THUMPD2: variants seen among roughly 807,000 people sequenced by gnomAD.
The protein encoded by THUMPD2 is THUMP domain 2 tRNA and snRNA guanosine methyltransferase, also known as U6 snRNA (guanine-N(2))-methyltransferase THUMPD2.
Under a neutral mutation model 49.4 loss-of-function variants are expected in THUMPD2, and 56 were observed. That is an observed-to-expected ratio of 1.13 (90% CI 0.91 to 1.41). The LOEUF (loss-of-function observed/expected upper bound fraction) is 1.41, where lower values mean the gene tolerates loss of function less well. THUMPD2 is among the 40% of genes most tolerant of loss of function. The pLI, the probability that THUMPD2 is intolerant of heterozygous loss-of-function variation, is 0.00. For missense variants in THUMPD2, 709 were observed against 594.5 expected, an observed-to-expected ratio of 1.19 and a Z score of -2.00; for synonymous variants, 237 against 205.2, an observed-to-expected ratio of 1.15 and a Z score of -1.32.
chr2:39,741,333 T>C (rs1258281532), intron 9 of THUMPD2, among the ~76,000 whole-genome samples: 3 of 152,228 alleles, frequency 2.0e-5, no homozygotes, highest in Admixed American at 2.0e-4. Flanking sequence ...CATTGTTCCA[T>C]GAACACACCT....
chr2:39,759,198 T>C (rs1003023363), intron 6 of THUMPD2, among the ~76,000 whole-genome samples: 12 of 151,958 alleles, frequency 7.9e-5, no homozygotes. Flanking sequence ...AAAGTTAAAT[T>C]CACTAAATAG....
At chr2:39,756,951 GAA>G (rs35726811) in intron 6 of THUMPD2, among the ~76,000 whole-genome samples, 1 of 142,660 alleles carries the variant, frequency 7.0e-6, no homozygotes, top group Admixed American at 6.9e-5. Context: ...TGGTATTGGA[GAA>G]AAAAAAAAAG....
At chr2:39,762,241 C>T (rs571746778) in intron 5 of THUMPD2, among the ~76,000 whole-genome samples, 3 of 152,216 alleles carry the variant, frequency 2.0e-5, no homozygotes, top group African/African-American at 7.2e-5. Flanking sequence ...TTGGCTTCTT[C>T]CAAAACCAGC....
Position 39,770,001 on chromosome 2 carries a change from C to G in THUMPD2, c.381G>C (p.Gln127His), listed in dbSNP as rs745459310. Residue 127 changes from glutamine (Q) to histidine (H), a missense_variant, in exon 3 of 10, where the codon CAG (glutamine) becomes CAC (histidine). Coordinates refer to ENST00000505747, the MANE Select transcript of THUMPD2 (RefSeq NM_025264.5). ...ELDAKKEKLS[Q>H]RDDNQLKRKV... ...TTCTTTTTAGTTGGTTATCATCTCT[C>G]TGAGAAAGTTTTTCCTTTTTTGCAT... is the stretch of plus-strand genomic sequence containing the variant. 1 of 1,574,720 alleles carries G rather than the reference C, an allele frequency of 6.4e-7. No individual in the cohort carries two copies.
Position 39,779,132 on chromosome 2 carries a change from C to T in THUMPD2, c.108G>A (p.Ala36=). The T allele has an allele frequency of 6.6e-7, 1 of 1,516,656 alleles. No homozygotes were observed. Among genetic ancestry groups the T allele is most frequent in the Non-Finnish European group, 8.8e-7 (1 of 1,138,502 alleles). 93.9% of individuals were successfully genotyped at this position (1,516,656 alleles called of 1,614,324 possible). A position where few individuals can be genotyped will look rare whatever the true frequency, so the allele number is the denominator to read the frequency against. The change falls in exon 1 of 10, where the codon GCG becomes GCA. Residue 36 remains alanine (A), a synonymous_variant. Transcript: ENST00000505747. ...LEPFVMREVR[A]RLAATQVEYI... is the part of the protein sequence containing the mutation. Reference sequence around the variant, plus strand: ...AACTCACCTGCGTGGCCGCCAGCCGCGCCCGCACCTCTCGCATTACGAACG... The same window carrying T: ...AACTCACCTGCGTGGCCGCCAGCCGTGCCCGCACCTCTCGCATTACGAACG...
At position 39,771,485 on chromosome 2, in the gene THUMPD2, T is replaced by C. The variant is rs750205544; in HGVS notation, c.262+20A>G. ...ATGTATCATGTGGGTAAAAGCAACATGCATATGAATATGCCATACCTTTAC... is the reference window on the plus strand; with the variant it reads ...ATGTATCATGTGGGTAAAAGCAACACGCATATGAATATGCCATACCTTTAC... On this transcript the variant is annotated intron_variant, in intron 2 of 9. Coordinates refer to ENST00000505747, the MANE Select transcript of THUMPD2 (RefSeq NM_025264.5). 5 of 1,576,102 alleles carry C rather than the reference T, an allele frequency of 3.2e-6. No individual in the cohort carries two copies. The East Asian group carries it at 6.8e-5, about 21-fold the overall frequency.
chr2:39,769,090 G>A (rs6745129), intron 3 of THUMPD2: 60,342 of 1,303,880 alleles, frequency 0.046, 3,081 homozygotes, highest in African/African-American at 0.26. Flanking sequence ...CCCATGTACA[G>A]GACCTGTGCA....
intron 1 of THUMPD2, 47 bp downstream of exon 1, chr2:39,779,067 G>A (rs1297488009): frequency 9.6e-6 from 14 of 1,461,174 alleles, no homozygotes; most frequent in Non-Finnish European, 1.3e-5. Context: ...CAACAGGGCA[G>A]GGACAGGGCC....
chr2:39,764,203 G>T (rs996128070), intron 5 of THUMPD2, among the ~76,000 whole-genome samples: 10 of 152,186 alleles, frequency 6.6e-5, no homozygotes, highest in Non-Finnish European at 1.5e-4. Flanking sequence ...ACACTGGATT[G>T]AACTGTTTCA....
chr2:39,764,345 G>T (rs1677227627), intron 5 of THUMPD2, among the ~76,000 whole-genome samples: 1 of 152,188 alleles, frequency 6.6e-6, no homozygotes, highest in Admixed American at 6.5e-5. Flanking sequence ...TTATAGCAGA[G>T]AAATATGATA....
At chr2:39,750,827 T>C (rs1675305915) in intron 8 of THUMPD2, among the ~76,000 whole-genome samples, 1 of 152,248 alleles carries the variant, frequency 6.6e-6, no homozygotes, top group African/African-American at 2.4e-5. Context: ...AGTAGGATTG[T>C]AAATATCAAC....
At chr2:39,742,469 G>C (rs1441548793) in intron 9 of THUMPD2, among the ~76,000 whole-genome samples, 1 of 152,150 alleles carries the variant, frequency 6.6e-6, no homozygotes, top group African/African-American at 2.4e-5. Flanking sequence ...GAGAAAGTCA[G>C]GCTGGTATAA....
chr2:39,743,619 G>A (rs1674194582), intron 9 of THUMPD2, among the ~76,000 whole-genome samples: 1 of 152,090 alleles, frequency 6.6e-6, no homozygotes, highest in African/African-American at 2.4e-5. Context: ...TAGTTCCAGG[G>A]AAAGCTGGTT....
chr2:39,766,028 G>C (rs556022182), intron 5 of THUMPD2, 29 bp downstream of exon 5: 7 of 1,549,126 alleles, frequency 4.5e-6, no homozygotes, highest in East Asian at 2.4e-5. Flanking sequence ...TCTGTCTTAT[G>C]GGACAAACCG....
In THUMPD2 at chr2:39,761,393, T is replaced by A; in HGVS notation, c.829A>T (p.Ile277Phe). 6.2e-7 allele frequency: 1 copy of A among 1,613,822 alleles called. No homozygotes were observed. The highest frequency in any genetic ancestry group is 8.5e-7 in the Non-Finnish European group (1 of 1,179,780). Residue 277 changes from isoleucine to phenylalanine, a missense_variant, in exon 6 of 10, where the codon ATC (isoleucine) becomes TTC (phenylalanine). Transcript: ENST00000505747. ...FRVSLASRAY[I>F]KTAGLRSTIA... ...GTAGATCGCAGTCCAGCTGTCTTGA[T>A]GTAAGCTCTGCTGGCTAGGGAAACC...
chr2:39,760,220 G>T (rs1415952563), intron 6 of THUMPD2, among the ~76,000 whole-genome samples: 1 of 152,128 alleles, frequency 6.6e-6, no homozygotes, highest in Non-Finnish European at 1.5e-5. Context: ...GTAGAGAGGA[G>T]AAGAGAAAAA....
At chr2:39,755,815 A>C in intron 7 of THUMPD2, 74 bp downstream of exon 7, 1 of 1,227,902 alleles carries the variant, frequency 8.1e-7, no homozygotes, top group Non-Finnish European at 1.2e-6. Context: ...TCTACTTGTA[A>C]ATAATTGGTG....
At chr2:39,753,899 G>T (rs1363700540) in intron 8 of THUMPD2, among the ~76,000 whole-genome samples, 1 of 152,060 alleles carries the variant, frequency 6.6e-6, no homozygotes, top group Admixed American at 6.6e-5. Flanking sequence ...AGTCTAAGAG[G>T]AATCCTTTCA....
chr2:39,752,902 C>T (rs569492635), intron 8 of THUMPD2, among the ~76,000 whole-genome samples: 5 of 152,210 alleles, frequency 3.3e-5, no homozygotes, highest in Admixed American at 6.5e-5. Context: ...GGTTTATTCT[C>T]CTCCCTCTGC....
Sources: allele counts gnomAD v4.1 joint callset (sites outside exome capture counted in the v4.1 genomes callset), GRCh38; gene constraint gnomAD v4.1.1; transcripts MANE v1.5; gene names NCBI Gene and HGNC (gene_info 2026-07-23, HGNC 2026-07-21).